The following SIM1 variants were observed in gnomAD, a reference collection of about 807,000 sequenced individuals.
SIM1 encodes single-minded homolog 1.
Under a neutral mutation model 78.2 loss-of-function variants are expected in SIM1, and 18 were observed. The observed-to-expected ratio is 0.23, with a 90% confidence interval of 0.16 to 0.34. The LOEUF is 0.34. Among genes scored for constraint, SIM1 ranks in the 10% least tolerant of loss-of-function variants. SIM1 has a pLI of 1.00. For synonymous variants in SIM1, 417 were observed against 385.2 expected (o/e 1.08, Z -0.97); for missense variants, 939 against 975.1 (o/e 0.96, Z 0.49).
chr6:100,461,019 C>G (rs1308829196), intron 2 of SIM1, among the ~76,000 whole-genome samples: 1 of 151,734 alleles, frequency 6.6e-6, no homozygotes, highest in African/African-American at 2.4e-5. Context: ...ATCGTCCATC[C>G]CCTCCTCCCC....
intron 10 of SIM1, among the ~76,000 whole-genome samples, chr6:100,407,757 G>A (rs986363441): frequency 7.2e-5 from 11 of 152,032 alleles, no homozygotes; most frequent in African/African-American, 2.7e-4. Flanking sequence ...TCAGGAAAAG[G>A]TCTAGTCAGG....
intron 9 of SIM1, among the ~76,000 whole-genome samples, chr6:100,432,548 C>T (rs1398131369): frequency 1.3e-5 from 2 of 152,120 alleles, no homozygotes; most frequent in Non-Finnish European, 2.9e-5. Context: ...TTCCCCAAGG[C>T]GTACCTCACT....
At chr6:100,428,324 A>C (rs1444281001) in intron 9 of SIM1, among the ~76,000 whole-genome samples, 1 of 152,218 alleles carries the variant, frequency 6.6e-6, no homozygotes, top group Non-Finnish European at 1.5e-5. Flanking sequence ...ATAGTGTTTT[A>C]GATGCCCAGA....
At chr6:100,396,396 A>G (rs1228371794) in intron 10 of SIM1, among the ~76,000 whole-genome samples, 3 of 152,112 alleles carry the variant, frequency 2.0e-5, no homozygotes, top group Non-Finnish European at 4.4e-5. Context: ...GGAAAGTGCT[A>G]TTGGCGCAAC....
chr6:100,429,070 C>G (rs1771820579), intron 9 of SIM1, among the ~76,000 whole-genome samples: 2 of 151,994 alleles, frequency 1.3e-5, no homozygotes, highest in Non-Finnish European at 2.9e-5. Context: ...AAATAAGTAT[C>G]AAGAATCTGT....
intron 7 of SIM1, 61 bp downstream of exon 7, chr6:100,448,418 C>T: frequency 1.9e-6 from 3 of 1,540,622 alleles, no homozygotes; most frequent in Non-Finnish European, 2.7e-6. Context: ...GGAAATCTCT[C>T]AGTCACTAAG....
At chr6:100,402,768 G>A (rs1198044725) in intron 10 of SIM1, among the ~76,000 whole-genome samples, 2 of 151,652 alleles carry the variant, frequency 1.3e-5, no homozygotes, top group African/African-American at 2.4e-5. Context: ...TAGTAGAGAC[G>A]GGGTTTCCCG....
chr6:100,408,160 G>A (rs1771097395), intron 10 of SIM1, among the ~76,000 whole-genome samples: 1 of 151,854 alleles, frequency 6.6e-6, no homozygotes, highest in Non-Finnish European at 1.5e-5. Flanking sequence ...TTCATTCTTT[G>A]TATGTAGATA....
chr6:100,398,886 T>C (rs1770834674), intron 10 of SIM1, among the ~76,000 whole-genome samples: 1 of 152,068 alleles, frequency 6.6e-6, no homozygotes, highest in Non-Finnish European at 1.5e-5. Context: ...TTCCCATTAA[T>C]AGTACAACGG....
intron 9 of SIM1, among the ~76,000 whole-genome samples, chr6:100,422,831 A>G (rs974113575): frequency 5.3e-5 from 8 of 152,192 alleles, no homozygotes; most frequent in African/African-American, 1.7e-4. Context: ...TGTCAATTTA[A>G]AATGGACAAA....
intron 10 of SIM1, among the ~76,000 whole-genome samples, chr6:100,397,329 T>G (rs960154929): frequency 1.3e-5 from 2 of 152,180 alleles, no homozygotes; most frequent in Non-Finnish European, 2.9e-5. Flanking sequence ...ACAAATTAAG[T>G]CACACATGAC....
chr6:100,456,160 GC>G (rs1772650194), intron 2 of SIM1, among the ~76,000 whole-genome samples: 1 of 152,076 alleles, frequency 6.6e-6, no homozygotes, highest in South Asian at 2.1e-4. Flanking sequence ...TAAGGGACTG[GC>G]TACTCTCGTC....
At chr6:100,462,769 A>G (rs1158885980) in intron 2 of SIM1, 2 of 152,312 alleles carry the variant, frequency 1.3e-5, no homozygotes, top group Non-Finnish European at 2.9e-5. Context: ...AATTTATTTA[A>G]GAACTTGAGT....
chr6:100,454,803 A>T (rs1202484867), intron 2 of SIM1, among the ~76,000 whole-genome samples: 1 of 152,226 alleles, frequency 6.6e-6, no homozygotes, highest in African/African-American at 2.4e-5. Context: ...AGTCGGCTAG[A>T]GTACCCTTTT....
intron 2 of SIM1, among the ~76,000 whole-genome samples, chr6:100,454,263 G>A (rs957078400): frequency 3.3e-5 from 5 of 152,312 alleles, no homozygotes; most frequent in East Asian, 1.9e-4. Flanking sequence ...CCAAGCGAAA[G>A]CCACTGCCAG....
chr6:100,446,006 C>G (rs1772343516), intron 9 of SIM1, among the ~76,000 whole-genome samples: 1 of 151,994 alleles, frequency 6.6e-6, no homozygotes, highest in African/African-American at 2.4e-5. Context: ...CTTGATATTA[C>G]AAGAATTATA....
intron 10 of SIM1, among the ~76,000 whole-genome samples, chr6:100,416,691 G>A (rs1771410015): frequency 6.6e-6 from 1 of 152,068 alleles, no homozygotes; most frequent in South Asian, 2.1e-4. Flanking sequence ...ACACAGAAAG[G>A]AGAATCTGAT....
intron 10 of SIM1, among the ~76,000 whole-genome samples, chr6:100,403,976 C>G (rs1770992355): frequency 6.6e-6 from 1 of 152,064 alleles, no homozygotes; most frequent in African/African-American, 2.4e-5. Context: ...TTTCACTGTC[C>G]CATACTTCAA....
chr6:100,427,750 A>AGT (rs1771772443), intron 9 of SIM1, among the ~76,000 whole-genome samples: 10 of 152,084 alleles, frequency 6.6e-5, no homozygotes, highest in Non-Finnish European at 1.5e-4. Flanking sequence ...GGCCACAGTG[A>AGT]TTTCTCCCAG....
Sources: gnomAD v4.1 joint callset for allele counts (sites outside exome capture counted in the v4.1 genomes callset) on GRCh38, gnomAD v4.1.1 for gene constraint, MANE v1.5 for transcripts, NCBI Gene and HGNC (gene_info 2026-07-23, HGNC 2026-07-21) for gene names.